Variants in CCKBR observed in about 807,000 individuals in gnomAD.
CCKBR encodes the protein gastrin/cholecystokinin type B receptor.
Under a neutral mutation model 34.6 loss-of-function variants are expected in CCKBR, and 33 were observed. That is an observed-to-expected ratio of 0.95 (90% CI 0.72 to 1.27). The LOEUF is 1.27. Among genes scored for constraint, CCKBR ranks in the 50% most tolerant of loss-of-function variants. CCKBR has a pLI of 0.00. For synonymous variants in CCKBR, 269 were observed against 267.5 expected (o/e 1.01, Z -0.06); for missense variants, 652 against 617.4 (o/e 1.06, Z -0.59).
intron 2 of CCKBR, 50 bp from the exon 3 acceptor site, chr11:6,270,038 T>C: frequency 6.3e-7 from 1 of 1,587,554 alleles, no homozygotes; most frequent in South Asian, 1.2e-5. Flanking sequence ...CTGATGCTTG[T>C]GTAGTGCAAG....
chr11:6,267,018 G>T (rs980599201), intron 1 of CCKBR, among the ~76,000 whole-genome samples: 2 of 152,146 alleles, frequency 1.3e-5, no homozygotes, highest in Admixed American at 1.3e-4. Context: ...CAGCATAAAA[G>T]ATAAACCATC....
intron 1 of CCKBR, chr11:6,264,704 A>G: frequency 1.8e-6 from 1 of 561,442 alleles, no homozygotes; most frequent in Non-Finnish European, 3.1e-6. Flanking sequence ...CTCATATTCC[A>G]CCATGCAAAC....
At chr11:6,268,655 T>A (rs1848244003) in intron 1 of CCKBR, among the ~76,000 whole-genome samples, 1 of 152,214 alleles carries the variant, frequency 6.6e-6, no homozygotes, top group African/African-American at 2.4e-5. Flanking sequence ...TCTTGTCATG[T>A]TCATCTCTTT....
At position 6,271,764 on chromosome 11, in the gene CCKBR, A is replaced by T. The variant is rs201168406; in HGVS notation, c.*221A>T. Reference sequence around the variant, plus strand: ...TCTGATATGGGACTGAGCCTGGCCCATAGAAACATGACACTGACCTTGGAG... The same window carrying T: ...TCTGATATGGGACTGAGCCTGGCCCTTAGAAACATGACACTGACCTTGGAG... On this transcript the variant is annotated 3_prime_UTR_variant, in exon 5 of 5. Coordinates refer to ENST00000334619, the MANE Select transcript of CCKBR (RefSeq NM_176875.4). The T allele has an allele frequency of 1.9e-6, 1 of 525,122 alleles. No individual in the cohort carries two copies. The highest frequency in any genetic ancestry group is 3.0e-5 in the East Asian group (1 of 33,050). 32.5% of individuals were successfully genotyped at this position (525,122 alleles called of 1,614,324 possible). A position where few individuals can be genotyped will look rare whatever the true frequency, so the allele number is the denominator to read the frequency against.
Position 6,271,432 on chromosome 11 carries a change from G to T in CCKBR, c.1233G>T (p.Arg411=). The part of the protein sequence containing the change: ...CLETCARCCP[R]PPRARPRALP... The stretch of plus-strand genomic sequence containing the variant: ...AAACTTGCGCTCGCTGCTGCCCCCG[G>T]CCTCCACGAGCTCGCCCCAGGGCTC... Residue 411 remains arginine (R), a synonymous_variant, in exon 5 of 5, where the codon CGG becomes CGT. Transcript: ENST00000334619. The T allele has an allele frequency of 6.2e-7, 1 of 1,613,578 alleles. No individual in the cohort carries two copies.
rs553205865 is a variant in CCKBR, at chr11:6,264,366, C to T, written c.151+4287C>T. 7.0e-4 allele frequency: 401 copies of T among 572,916 alleles called. 1 individual carries two copies. Among genetic ancestry groups the T allele is most frequent in the Non-Finnish European group, 1.1e-3 (363 of 322,898 alleles). The allele number at this position is 572,916 out of a possible 1,614,324, so 35.5% of individuals were successfully genotyped here. ...TGCCAGTAGAATGCAGAATTTAAGG[C>T]ATCAGCAGCTTCAGTGTTCTGTGGA... On this transcript the variant is annotated intron_variant, in intron 1 of 4. Coordinates refer to ENST00000334619, the MANE Select transcript of CCKBR (RefSeq NM_176875.4).
In CCKBR at chr11:6,259,892, G is replaced by A. The variant is rs545126479; in HGVS notation, c.-37G>A. Reference sequence around the variant, plus strand: ...GTGGAGCCGCGTTGGGAGCCCGCCGGGTCGAGCTGAGTAAGGCGGCGGGCT... The same window carrying A: ...GTGGAGCCGCGTTGGGAGCCCGCCGAGTCGAGCTGAGTAAGGCGGCGGGCT... On this transcript the variant is annotated 5_prime_UTR_variant, in exon 1 of 5. Transcript: ENST00000334619. The A allele has an allele frequency of 6.9e-5, 96 of 1,396,464 alleles. No homozygotes were observed. The African/African-American group carries it at 1.3e-3, about 19-fold the overall frequency. 86.5% of individuals were successfully genotyped at this position (1,396,464 alleles called of 1,614,324 possible).
At chr11:6,265,924 G>C (rs1008836385) in intron 1 of CCKBR, among the ~76,000 whole-genome samples, 1 of 152,182 alleles carries the variant, frequency 6.6e-6, no homozygotes, top group Non-Finnish European at 1.5e-5. Flanking sequence ...ATGACGGATG[G>C]ATGAGGAGGG....
In CCKBR at chr11:6,271,011, G is replaced by A. The variant is rs199930350; in HGVS notation, c.812G>A (p.Gly271Glu). ...CTGACCGCCCACCCTTTGTGCTCAG[G>A]GGCTGTTCACCAGAACGGGCGTTGC... ...SRVRNQGGLPGAVHQNGRCRP... is the reference protein window; with the variant it reads ...SRVRNQGGLPEAVHQNGRCRP... The change falls in exon 5 of 5, where the codon GGG becomes GAG. Residue 271 changes from glycine to glutamate, a missense_variant and splice_region_variant. By Grantham distance (98) the Gly-to-Glu change is moderately conservative (BLOSUM62 -2). Transcript: ENST00000334619. The A allele has an allele frequency of 6.2e-7, 1 of 1,614,162 alleles. No individual in the cohort carries two copies. The highest frequency in any genetic ancestry group is 1.1e-5 in the South Asian group (1 of 91,086).
At position 6,270,252 on chromosome 11, in the gene CCKBR, C is replaced by G; in HGVS notation, c.568C>G (p.Pro190Ala). Residue 190 changes from proline to alanine, a missense_variant, in exon 3 of 5, where the codon CCC becomes GCC. By Grantham distance (27) the Pro-to-Ala change is conservative. Transcript: ENST00000334619. ...GTCCGGACTACTCATGGTGCCCTAC[C>G]CCGTGTACACTGTCGTGCAACCAGT... is the stretch of plus-strand genomic sequence containing the variant. ...LLSGLLMVPY[P>A]VYTVVQPVGP... is the part of the protein sequence containing the mutation. The G allele has an allele frequency of 6.2e-7, 1 of 1,613,254 alleles. No homozygotes were observed. The highest frequency in any genetic ancestry group is 8.5e-7 in the Non-Finnish European group (1 of 1,180,034).
chr11:6,271,013 G>C lies in CCKBR; in HGVS notation c.814G>C (p.Ala272Pro). ...RVRNQGGLPG[A>P]VHQNGRCRPE... ...GACCGCCCACCCTTTGTGCTCAGGG[G>C]CTGTTCACCAGAACGGGCGTTGCCG... The change falls in exon 5 of 5, where the codon GCT becomes CCT. Residue 272 changes from alanine (A) to proline (P), a missense_variant and splice_region_variant. Ala to Pro is a conservative substitution (Grantham distance 27, BLOSUM62 -1). Coordinates refer to ENST00000334619, the MANE Select transcript of CCKBR (RefSeq NM_176875.4). 6.2e-7 allele frequency: 1 copy of C among 1,614,148 alleles called. No individual in the cohort carries two copies. Among genetic ancestry groups the C allele is most frequent in the Non-Finnish European group, 8.5e-7 (1 of 1,180,006 alleles).
chr11:6,261,460 TATACAC>T (rs1254532484), intron 1 of CCKBR, among the ~76,000 whole-genome samples: 1 of 34,388 alleles, frequency 2.9e-5, no homozygotes, highest in Non-Finnish European at 6.5e-5. Flanking sequence ...AAAAAATATA[TATACAC>T]ACACACACAC....
At chr11:6,264,652 C>T in intron 1 of CCKBR, 1 of 635,368 alleles carries the variant, frequency 1.6e-6, no homozygotes, top group Non-Finnish European at 2.8e-6. Context: ...TCCCATCCTT[C>T]TACCCATGCC....
chr11:6,271,064 G>A lies in CCKBR; in HGVS notation c.865G>A (p.Asp289Asn), dbSNP rs371750197. The change falls in exon 5 of 5, where the codon GAC becomes AAC. Residue 289 changes from aspartate to asparagine, a missense_variant. Coordinates refer to ENST00000334619, the MANE Select transcript of CCKBR (RefSeq NM_176875.4). ...CRPETGAVGE[D>N]SDGCYVQLPR... Reference sequence around the variant, plus strand: ...GCCTGAGACTGGCGCGGTTGGCGAAGACAGCGATGGCTGCTACGTGCAACT... The same window carrying A: ...GCCTGAGACTGGCGCGGTTGGCGAAAACAGCGATGGCTGCTACGTGCAACT... 3 of 1,614,086 alleles carry A rather than the reference G, an allele frequency of 1.9e-6. No homozygotes were observed. Among genetic ancestry groups the A allele is most frequent in the African/African-American group, 2.7e-5 (2 of 74,942 alleles).
intron 1 of CCKBR, among the ~76,000 whole-genome samples, chr11:6,269,187 A>C (rs898807034): frequency 1.2e-4 from 18 of 149,388 alleles, no homozygotes; most frequent in African/African-American, 4.5e-4. Flanking sequence ...GTTTTTAGAG[A>C]ATAAAGACAT....
chr11:6,260,215 C>CA, intron 1 of CCKBR, 136 bp downstream of exon 1: 1 of 597,798 alleles, frequency 1.7e-6, no homozygotes, highest in Non-Finnish European at 2.8e-6. Context: ...CCTCAGCCCC[C>CA]AAACAGCTCC....
chr11:6,271,279 C>G lies in CCKBR; in HGVS notation c.1080C>G (p.Gly360=), dbSNP rs770366601. Residue 360 remains glycine (G), a synonymous_variant, in exon 5 of 5, where the codon GGC becomes GGG. Transcript: ENST00000334619. ...CCAACACGTGGCGCGCCTTTGATGG[C>G]CCGGGTGCACACCGAGCACTCTCGG... ...YSANTWRAFD[G]PGAHRALSGA... is the part of the protein sequence containing the mutation. 1 of 1,614,214 alleles carries G rather than the reference C, an allele frequency of 6.2e-7. No homozygotes were observed. Among genetic ancestry groups the G allele is most frequent in the African/African-American group, 1.3e-5 (1 of 75,056 alleles).
At chr11:6,270,858 C>G (rs768606018) in intron 4 of CCKBR, 55 bp downstream of exon 4, 1 of 1,612,908 alleles carries the variant, frequency 6.2e-7, no homozygotes, top group African/African-American at 1.3e-5. Flanking sequence ...TGGAGGGCGA[C>G]GGGGCCTGCT....
Position 6,270,733 on chromosome 11 carries a change from A to G in CCKBR, c.741A>G (p.Leu247=), listed in dbSNP as rs757486833. ...GGCTTATCTCTCGCGAGCTCTACTT[A>G]GGGCTTCGCTTTGACGGCGACAGTG... is the stretch of plus-strand genomic sequence containing the variant. ...AYGLISRELY[L]GLRFDGDSDS... The change falls in exon 4 of 5, where the codon TTA becomes TTG. Residue 247 remains leucine (L), a synonymous_variant. Coordinates refer to ENST00000334619, the MANE Select transcript of CCKBR (RefSeq NM_176875.4). 4.3e-6 allele frequency: 7 copies of G among 1,614,006 alleles called. No individual in the cohort carries two copies. The highest frequency in any genetic ancestry group is 1.6e-4 in the Middle Eastern group (1 of 6,084).
Sources: gnomAD v4.1 joint callset for allele counts (sites outside exome capture counted in the v4.1 genomes callset) on GRCh38, gnomAD v4.1.1 for gene constraint, MANE v1.5 for transcripts, NCBI Gene and HGNC (gene_info 2026-07-23, HGNC 2026-07-21) for gene names.